Variants in GLG1 observed in about 807,000 individuals in gnomAD.
The protein encoded by GLG1 is Golgi apparatus protein 1.
Under a neutral mutation model 160.5 loss-of-function variants are expected in GLG1, and 38 were observed. The ratio of observed to expected loss-of-function variants is 0.24; its 90% CI spans 0.18 to 0.31. The LOEUF is 0.31. Among genes scored for constraint, GLG1 ranks in the 10% least tolerant of loss-of-function variants. GLG1 has a pLI of 1.00. For synonymous variants in GLG1, 644 were observed against 543.4 expected (o/e 1.19, Z -2.57); for missense variants, 1,373 against 1,505.2 (o/e 0.91, Z 1.45).
At chr16:74,588,469 T>G (rs568763368) in intron 1 of GLG1, among the ~76,000 whole-genome samples, 1 of 152,268 alleles carries the variant, frequency 6.6e-6, no homozygotes, top group Admixed American at 6.5e-5. Context: ...CTCACTCTGA[T>G]GTCCAGGTTA....
Position 74,485,905 on chromosome 16 carries a change from T to C in GLG1, c.1462A>G (p.Ile488Val). ...MNCQQALQTL[I>V]QETDPGADYR... ...TCTGCACCAGGGTCAGTCTCCTGAA[T>C]CAGTGTTTGAAGCTGAATTAAAATA... Residue 488 changes from isoleucine to valine, a missense_variant, in exon 9 of 26, where the codon ATT (isoleucine) becomes GTT (valine). Ile to Val is a conservative substitution (Grantham distance 29). This residue lies in a region of GLG1 where 386 missense variants were observed against 388.5 expected (regional missense o/e 0.99). Transcript: ENST00000422840. 1 of 1,612,264 alleles carries C rather than the reference T, an allele frequency of 6.2e-7. No individual in the cohort carries two copies. Among genetic ancestry groups the C allele is most frequent in the Non-Finnish European group, 8.5e-7 (1 of 1,178,814 alleles).
chr16:74,465,786 T>G lies in GLG1; in HGVS notation c.2557A>C (p.Lys853Gln), dbSNP rs755296282. The stretch of plus-strand genomic sequence containing the variant: ...TGGTGGCAGCGGGTGCTTAGCTGCT[T>G]CTTGTTTTCTTTCAGACATTCGATA... ...QIIECLKENK[K>Q]QLSTRCHQKV... The change falls in exon 19 of 26, where the codon AAG becomes CAG. Residue 853 changes from lysine to glutamine, a missense_variant. Physicochemically the swap from Lys to Gln is moderately conservative, Grantham distance 53 (BLOSUM62 1). This residue lies in a region of GLG1 where 491 missense variants were observed against 632.1 expected (regional missense o/e 0.78). Transcript: ENST00000422840. 6.2e-7 allele frequency: 1 copy of G among 1,613,726 alleles called. No individual in the cohort carries two copies. The highest frequency in any genetic ancestry group is 1.1e-5 in the South Asian group (1 of 91,066).
intron 2 of GLG1, among the ~76,000 whole-genome samples, chr16:74,531,613 C>A (rs1484867056): frequency 6.6e-6 from 1 of 152,146 alleles, no homozygotes; most frequent in Admixed American, 6.5e-5. Flanking sequence ...AGGTGTGAAC[C>A]ACCATGCCCG....
intron 4 of GLG1, among the ~76,000 whole-genome samples, chr16:74,497,315 C>CAAAA (rs1225860130): frequency 6.9e-6 from 1 of 145,022 alleles, no homozygotes; most frequent in Non-Finnish European, 1.5e-5. Flanking sequence ...CACACACACA[C>CAAAA]AAAAAACCAC....
rs1480639368 is a variant in GLG1 at position 74,448,960 on chromosome 16, G to A, written c.*4207C>T. The A allele has an allele frequency of 9.8e-5, 15 of 152,568 alleles. 2 individuals carry two copies. Among genetic ancestry groups the A allele is most frequent in the East Asian group, 1.9e-4 (1 of 5,182 alleles). 9.5% of individuals were successfully genotyped at this position (152,568 alleles called of 1,614,324 possible). A position where few individuals can be genotyped will look rare whatever the true frequency, so the allele number is the denominator to read the frequency against. The stretch of plus-strand genomic sequence containing the variant: ...TACTAAAAATACAAAAATTAGCTGG[G>A]TGTGGTGGTGCATGCCTGTAATCCC... On this transcript the variant is annotated 3_prime_UTR_variant, in exon 26 of 26. Coordinates refer to ENST00000422840, the MANE Select transcript of GLG1 (RefSeq NM_001145667.2).
rs768310318 is a variant in GLG1 at position 74,606,693 on chromosome 16, G to A, written c.402C>T (p.Asn134=). Residue 134 remains asparagine, a synonymous_variant, in exon 1 of 26, where the codon AAC becomes AAT. Transcript: ENST00000422840. The stretch of plus-strand genomic sequence containing the variant: ...CCTGCAGGCACTCGAGCACCGCCAG[G>A]TTGTTGCTCCAGGTGTGCTTAGGGC... ...RVCPKHTWSN[N]LAVLECLQDV... The A allele has an allele frequency of 1.2e-6, 2 of 1,601,890 alleles. No homozygotes were observed. The highest frequency in any genetic ancestry group is 4.5e-5 in the East Asian group (2 of 44,474).
Position 74,463,518 on chromosome 16 carries a change from A to G in GLG1, c.2668-39T>C, listed in dbSNP as rs775025063. 3.7e-6 allele frequency: 6 copies of G among 1,605,716 alleles called. No individual in the cohort carries two copies. In the South Asian group the frequency reaches 5.5e-5, roughly 15 times the overall value. ...GTTTGATAAAAACAGCTATCTAAAC[A>G]TGGCGATTAACTCCATCTGCGACCA... On this transcript the variant is annotated intron_variant, in intron 19 of 25. Coordinates refer to ENST00000422840, the MANE Select transcript of GLG1 (RefSeq NM_001145667.2).
At chr16:74,553,413 A>G (rs2018261358) in intron 1 of GLG1, among the ~76,000 whole-genome samples, 1 of 150,620 alleles carries the variant, frequency 6.6e-6, no homozygotes, top group South Asian at 2.1e-4. Context: ...TTAACAGTAC[A>G]TATTAGATAA....
chr16:74,510,336 G>A (rs1182475690), intron 2 of GLG1, among the ~76,000 whole-genome samples: 1 of 152,032 alleles, frequency 6.6e-6, no homozygotes, highest in Non-Finnish European at 1.5e-5. Flanking sequence ...CAGCCCATAA[G>A]GTCCACTTTA....
At chr16:74,513,823 C>A (rs1474995541) in intron 2 of GLG1, among the ~76,000 whole-genome samples, 5 of 152,018 alleles carry the variant, frequency 3.3e-5, no homozygotes, top group African/African-American at 1.2e-4. Flanking sequence ...TTCAGAAGGT[C>A]GGTAATAACA....
At chr16:74,521,992 T>C (rs945268839) in intron 2 of GLG1, among the ~76,000 whole-genome samples, 1 of 152,204 alleles carries the variant, frequency 6.6e-6, no homozygotes, top group African/African-American at 2.4e-5. Context: ...CAGCAAAGCA[T>C]GAAAGTACGG....
chr16:74,545,135 A>G (rs1182392171), intron 1 of GLG1, among the ~76,000 whole-genome samples: 1 of 152,194 alleles, frequency 6.6e-6, no homozygotes, highest in Non-Finnish European at 1.5e-5. Context: ...ATTCTGGTGG[A>G]AAGATCTAAT....
intron 8 of GLG1, among the ~76,000 whole-genome samples, chr16:74,489,089 T>G (rs1336076039): frequency 6.6e-6 from 1 of 152,160 alleles, no homozygotes; most frequent in Non-Finnish European, 1.5e-5. Flanking sequence ...TAAAAAGCCC[T>G]GGGTGTGAAT....
chr16:74,550,745 T>A (rs1358389103), intron 1 of GLG1, among the ~76,000 whole-genome samples: 1 of 151,914 alleles, frequency 6.6e-6, no homozygotes, highest in Admixed American at 6.6e-5. Flanking sequence ...AAAAAAAAAA[T>A]TTAGAGATTT....
chr16:74,482,526 C>A (rs1049727684), intron 10 of GLG1, among the ~76,000 whole-genome samples: 3 of 152,080 alleles, frequency 2.0e-5, no homozygotes, highest in Non-Finnish European at 4.4e-5. Context: ...CCACCCCCAC[C>A]GCTTTTTGTT....
intron 1 of GLG1, among the ~76,000 whole-genome samples, chr16:74,564,673 C>G (rs1336811755): frequency 2.6e-5 from 4 of 152,118 alleles, no homozygotes; most frequent in African/African-American, 9.7e-5. Context: ...AGAACCTGAC[C>G]AAAAAGGCGA....
At chr16:74,461,474 T>TG (rs1392884172) in intron 22 of GLG1, 1 of 139,696 alleles carries the variant, frequency 7.2e-6, no homozygotes, top group Non-Finnish European at 1.6e-5. Context: ...GGCTTTTTTT[T>TG]TTTTTTTTTT....
Position 74,492,996 on chromosome 16 carries a change from A to T in GLG1, c.1195T>A (p.Ser399Thr). 6.2e-7 allele frequency: 1 copy of T among 1,613,586 alleles called. No homozygotes were observed. The highest frequency in any genetic ancestry group is 2.2e-5 in the East Asian group (1 of 44,874). ...NLPRSREARL[S>T]YLLMCLESAV... is the part of the protein sequence containing the mutation. ...GACTCCAGGCACATTAACAAGTAGGAGAGCCTGGCTTCACGCGATCGCGGA... is the reference window on the plus strand; with the variant it reads ...GACTCCAGGCACATTAACAAGTAGGTGAGCCTGGCTTCACGCGATCGCGGA... The change falls in exon 7 of 26, where the codon TCC becomes ACC. Residue 399 changes from serine (S) to threonine (T), a missense_variant. Around this residue, in one of 4 missense-constraint regions of GLG1, gnomAD observed 386 missense variants for 388.5 expected, o/e 0.99. Transcript: ENST00000422840.
At chr16:74,572,360 A>G (rs1169971676) in intron 1 of GLG1, among the ~76,000 whole-genome samples, 1 of 152,086 alleles carries the variant, frequency 6.6e-6, no homozygotes, top group African/African-American at 2.4e-5. Context: ...AAGATATAAA[A>G]TTTAGCTGGG....
Sources: allele counts gnomAD v4.1 joint callset (sites outside exome capture counted in the v4.1 genomes callset), GRCh38; gene constraint gnomAD v4.1.1; regional missense constraint gnomAD v4.1.1; transcripts MANE v1.5; gene names NCBI Gene and HGNC (gene_info 2026-07-23, HGNC 2026-07-21).